EHBP1: variants seen among roughly 807,000 people sequenced by gnomAD.
EHBP1 encodes EH domain-binding protein 1.
A neutral mutation model predicts 144.0 loss-of-function variants in EHBP1; 55 were observed. The ratio of observed to expected loss-of-function variants is 0.38; its 90% CI spans 0.31 to 0.48. The LOEUF is 0.48. Ranked by LOEUF, EHBP1 falls within the 20% of genes least tolerant of loss-of-function variation. The pLI is 0.98. For missense variants in EHBP1, 1,200 were observed against 1,364.2 expected (o/e 0.88, Z 1.90); for synonymous variants, 469 against 472.7 (o/e 0.99, Z 0.10).
intron 19 of EHBP1, among the ~76,000 whole-genome samples, chr2:63,000,606 A>T (rs1261016017): frequency 1.3e-5 from 2 of 152,082 alleles, no homozygotes; most frequent in Non-Finnish European, 2.9e-5. Context: ...CTGAGGCAGG[A>T]TAATCTCTTG....
intron 1 of EHBP1, among the ~76,000 whole-genome samples, chr2:62,686,335 G>A (rs961742465): frequency 3.9e-5 from 6 of 152,344 alleles, no homozygotes; most frequent in African/African-American, 1.4e-4. Flanking sequence ...TGCTCGACAA[G>A]TTAGTGTTAA....
intron 10 of EHBP1, among the ~76,000 whole-genome samples, chr2:62,918,211 T>TC (rs1313561695): frequency 6.6e-6 from 1 of 152,140 alleles, no homozygotes; most frequent in Non-Finnish European, 1.5e-5. Flanking sequence ...GTGTTTTTTT[T>TC]CACTGCCTAT....
intron 17 of EHBP1, 60 bp downstream of exon 17, chr2:62,993,728 A>C: frequency 1.2e-6 from 1 of 816,998 alleles, no homozygotes. Flanking sequence ...AGATATCTAT[A>C]TATAGTATAT....
chr2:62,681,941 A>G (rs2151730380), intron 1 of EHBP1, among the ~76,000 whole-genome samples: 1 of 152,348 alleles, frequency 6.6e-6, no homozygotes, highest in South Asian at 2.1e-4. Flanking sequence ...AAGGCACATC[A>G]CTGGGCACAA....
chr2:62,841,604 A>G (rs1313320300), intron 7 of EHBP1, among the ~76,000 whole-genome samples: 4 of 152,170 alleles, frequency 2.6e-5, no homozygotes, highest in East Asian at 1.9e-4. Context: ...ATTGGCTATT[A>G]TGTTTATTTC....
At chr2:62,931,623 A>T (rs1389967543) in intron 10 of EHBP1, among the ~76,000 whole-genome samples, 2 of 152,190 alleles carry the variant, frequency 1.3e-5, no homozygotes, top group African/African-American at 4.8e-5. Flanking sequence ...AAAAATATTA[A>T]ATGGAAAGTT....
chr2:62,844,035 TA>T (rs1383136484), intron 7 of EHBP1, among the ~76,000 whole-genome samples: 1 of 152,246 alleles, frequency 6.6e-6, no homozygotes. Flanking sequence ...ATTATATCAC[TA>T]AAAATTATAT....
intron 2 of EHBP1, among the ~76,000 whole-genome samples, chr2:62,739,897 T>A (rs2038527567): frequency 6.6e-6 from 1 of 150,528 alleles, no homozygotes; most frequent in African/African-American, 2.5e-5. Context: ...GATCACTCCC[T>A]TGTACTCCAG....
chr2:62,727,428 T>C (rs1161947651), intron 2 of EHBP1, among the ~76,000 whole-genome samples: 2 of 152,136 alleles, frequency 1.3e-5, no homozygotes, highest in Admixed American at 1.3e-4. Context: ...TTTGGAACAT[T>C]TTTGTGAAAA....
intron 19 of EHBP1, among the ~76,000 whole-genome samples, chr2:63,020,520 A>T (rs1484480648): frequency 2.7e-5 from 4 of 150,384 alleles, no homozygotes; most frequent in African/African-American, 9.7e-5. Context: ...AAAAAGAAAG[A>T]AAAAAGAAAG....
At chr2:62,859,972 A>G (rs1224847079) in intron 8 of EHBP1, among the ~76,000 whole-genome samples, 2 of 152,170 alleles carry the variant, frequency 1.3e-5, no homozygotes, top group Non-Finnish European at 2.9e-5. Flanking sequence ...AGAAATCTTC[A>G]TGAATTTTAA....
intron 9 of EHBP1, among the ~76,000 whole-genome samples, chr2:62,869,561 C>T (rs2050300997): frequency 6.6e-6 from 1 of 152,080 alleles, no homozygotes; most frequent in Non-Finnish European, 1.5e-5. Flanking sequence ...ATTTTAAACT[C>T]TAGAATATGC....
intron 3 of EHBP1, among the ~76,000 whole-genome samples, chr2:62,749,776 G>A (rs146468345): frequency 0.02 from 3,010 of 152,268 alleles, 72 homozygotes; most frequent in African/African-American, 0.06. Flanking sequence ...CTGCATAAAT[G>A]TCTTCTTTTG....
At chr2:63,004,887 C>T (rs1278529370) in intron 19 of EHBP1, among the ~76,000 whole-genome samples, 1 of 152,096 alleles carries the variant, frequency 6.6e-6, no homozygotes, top group East Asian at 1.9e-4. Flanking sequence ...CACCCCCTTA[C>T]CCACATTCTG....
chr2:62,812,117 C>T (rs1399832225), intron 5 of EHBP1, among the ~76,000 whole-genome samples: 1 of 152,170 alleles, frequency 6.6e-6, no homozygotes, highest in Non-Finnish European at 1.5e-5. Context: ...TTTCGCTTTT[C>T]ACAAGCTCTC....
At chr2:62,692,489 T>G (rs1041501485) in intron 1 of EHBP1, among the ~76,000 whole-genome samples, 4 of 152,208 alleles carry the variant, frequency 2.6e-5, no homozygotes, top group African/African-American at 7.2e-5. Flanking sequence ...TTTTACAATC[T>G]TGCCAGCAAG....
At chr2:62,679,637 A>G (rs1334529340) in intron 1 of EHBP1, among the ~76,000 whole-genome samples, 2 of 152,200 alleles carry the variant, frequency 1.3e-5, no homozygotes, top group Admixed American at 1.3e-4. Flanking sequence ...TGGGGAAAAA[A>G]TAGTTGCAAA....
At chr2:62,699,379 T>C (rs757462585) in intron 1 of EHBP1, among the ~76,000 whole-genome samples, 1 of 152,220 alleles carries the variant, frequency 6.6e-6, no homozygotes, top group Non-Finnish European at 1.5e-5. Flanking sequence ...GATGAATTTA[T>C]TGAATTTAGC....
At chr2:62,829,043 A>G (rs2046564443) in intron 6 of EHBP1, among the ~76,000 whole-genome samples, 1 of 151,894 alleles carries the variant, frequency 6.6e-6, no homozygotes, top group South Asian at 2.1e-4. Context: ...GCTTGAGCCC[A>G]GGAAGATGCA....
Sources: gnomAD v4.1 joint callset for allele counts (sites outside exome capture counted in the v4.1 genomes callset) on GRCh38, gnomAD v4.1.1 for gene constraint, MANE v1.5 for transcripts, NCBI Gene and HGNC (gene_info 2026-07-23, HGNC 2026-07-21) for gene names.